Variants in VCX3B observed in about 807,000 individuals in gnomAD.
VCX3B encodes variable charge X-linked 3B.
For synonymous variants in VCX3B, 15 were observed against 85.8 expected, an observed-to-expected ratio of 0.17 and a Z score of 4.56; for missense variants, 43 against 195.3, an observed-to-expected ratio of 0.22 and a Z score of 4.65.
rs6640131 is a variant in VCX3B at position 8,465,008 on chromosome X, C to T, written c.-147+18C>T. ...GATTTTAGGTAGGTCATACAGAAAC[C>T]GGGTAATGATGGCAGGTGTGGAGGA... is the stretch of plus-strand genomic sequence containing the variant. On this transcript the variant is annotated intron_variant, in intron 1 of 2. Coordinates refer to ENST00000381032, the MANE Select transcript of VCX3B (RefSeq NM_001001888.4). 27,305 of 115,486 alleles carry T rather than the reference C, an allele frequency of 0.24. 4,097 individuals carry two copies. The highest frequency in any genetic ancestry group is 0.61 in the African/African-American group (9,434 of 15,374). The allele number at this position is 115,486 out of a possible 1,213,427, so 9.5% of individuals were successfully genotyped here.
rs1928510537 is a variant in VCX3B, at chrX:8,466,201, G to T, written c.559G>T (p.Glu187Ter). 1.5e-6 allele frequency: 1 copy of T among 650,639 alleles called. No homozygotes were observed. Among genetic ancestry groups the T allele is most frequent in the Non-Finnish European group, 2.1e-6 (1 of 468,050 alleles). 53.6% of individuals were successfully genotyped at this position (650,639 alleles called of 1,213,427 possible). Residue 187 changes from glutamate (E) to a stop codon, truncating the protein, a stop_gained, in exon 3 of 3, where the codon GAG (glutamate) becomes TAG (stop). Coordinates refer to ENST00000381032, the MANE Select transcript of VCX3B (RefSeq NM_001001888.4). LOFTEE classifies it low-confidence loss of function (END_TRUNC). The part of the protein sequence containing the change: ...ESQVEEPLSQ[E>*]SEVEEPLSQE... ...CCAGGTGGAGGAACCACTGAGTCAG[G>T]AGAGCGAGGTGGAAGAACCACTGAG...
chrX:8,466,502 G>T lies in VCX3B; in HGVS notation c.*119G>T. ...CTGATGATAATAAAATGAATGTGTT[G>T]CAAATTGATCTGAGTGACTCTGTGT... is the stretch of plus-strand genomic sequence containing the variant. On this transcript the variant is annotated 3_prime_UTR_variant, in exon 3 of 3. Transcript: ENST00000381032. 2 of 742,529 alleles carry T rather than the reference G, an allele frequency of 2.7e-6. 1 individual carries two copies. Among genetic ancestry groups the T allele is most frequent in the East Asian group, 2.3e-4 (2 of 8,769 alleles). The allele number at this position is 742,529 out of a possible 1,213,427, so 61.2% of individuals were successfully genotyped here.
chrX:8,465,130 A>G (rs1212803241), intron 1 of VCX3B, 140 bp downstream of exon 1: 1 of 342,023 alleles, frequency 2.9e-6, no homozygotes, highest in Non-Finnish European at 4.9e-6. Context: ...TGGGGAGTTT[A>G]GGAGGGGTGA....
Position 8,465,303 on chromosome X carries a change from AG to A in VCX3B, c.-145del. 1.8e-6 allele frequency: 1 copy of A among 558,350 alleles called. No homozygotes were observed. Among genetic ancestry groups the A allele is most frequent in the East Asian group, 4.5e-5 (1 of 22,402 alleles). 46.0% of individuals were successfully genotyped at this position (558,350 alleles called of 1,213,427 possible). On this transcript the variant is annotated splice_acceptor_variant, in intron 1 of 2. Coordinates refer to ENST00000381032, the MANE Select transcript of VCX3B (RefSeq NM_001001888.4). LOFTEE classifies it low-confidence loss of function (5UTR_SPLICE). ...ACGTATAAGGCCTTCCTTCCCGCCC[AG>A]GGCTACCATTGGCTGGGTAGTGGAG... is the stretch of plus-strand genomic sequence containing the variant.
At chrX:8,465,244 G>A (rs756751860) in intron 1 of VCX3B, 61 bp from the exon 2 acceptor site, 3 of 223,578 alleles carry the variant, frequency 1.3e-5, no homozygotes. Flanking sequence ...CCCCGCCCCC[G>A]ACTTCATCCG....
Position 8,466,151 on chromosome X carries a change from T to G in VCX3B, c.509T>G (p.Val170Gly). The change falls in exon 3 of 3, where the codon GTG becomes GGG. Residue 170 changes from valine to glycine, a missense_variant. Physicochemically the swap from Val to Gly is moderately radical, Grantham distance 109. Coordinates refer to ENST00000381032, the MANE Select transcript of VCX3B (RefSeq NM_001001888.4). ...GAACCACTGAGTCAGGAGAGCGAGG[T>G]GGAAGAACCACTGAGTCAGGAGAGC... is the stretch of plus-strand genomic sequence containing the variant. ...VEEPLSQESE[V>G]EEPLSQESQV... is the part of the protein sequence containing the mutation. 1 of 861,409 alleles carries G rather than the reference T, an allele frequency of 1.2e-6. No homozygotes were observed. The highest frequency in any genetic ancestry group is 1.5e-6 in the Non-Finnish European group (1 of 688,464). 71.0% of individuals were successfully genotyped at this position (861,409 alleles called of 1,213,427 possible).
chrX:8,466,039 C>T lies in VCX3B; in HGVS notation c.397C>T (p.Pro133Ser). The stretch of plus-strand genomic sequence containing the variant: ...GAGTCAGGAGAGCCAGGTGGAGGAA[C>T]CACTGAGTCAGGAGAGCGAGGTGGA... ...PLSQESQVEE[P>S]LSQESEVEEP... Residue 133 changes from proline (P) to serine (S), a missense_variant, in exon 3 of 3, where the codon CCA becomes TCA. Pro to Ser is a moderately conservative substitution (Grantham distance 74, BLOSUM62 -1). Transcript: ENST00000381032. The T allele has an allele frequency of 2.6e-6, 1 of 391,905 alleles. No individual in the cohort carries two copies. Among genetic ancestry groups the T allele is most frequent in the Non-Finnish European group, 4.2e-6 (1 of 235,774 alleles). The allele number at this position is 391,905 out of a possible 1,213,427, so 32.3% of individuals were successfully genotyped here. A position where few individuals can be genotyped will look rare whatever the true frequency, so the allele number is the denominator to read the frequency against.
chrX:8,466,105 A>ACTGTGTGGATGGCCAGCTTTTCCCCT lies in VCX3B; in HGVS notation c.463_464insCTGTGTGGATGGCCAGCTTTTCCCCT (p.Ser155ThrfsTer19). 1 of 873,513 alleles carries ACTGTGTGGATGGCCAGCTTTTCCCCT rather than the reference A, an allele frequency of 1.1e-6. No individual in the cohort carries two copies. The highest frequency in any genetic ancestry group is 1.4e-6 in the Non-Finnish European group (1 of 695,656). 72.0% of individuals were successfully genotyped at this position (873,513 alleles called of 1,213,427 possible). A position where few individuals can be genotyped will look rare whatever the true frequency, so the allele number is the denominator to read the frequency against. ...GGAGAGCCAGGTGGAGGAACCACTG[A>ACTGTGTGGATGGCCAGCTTTTCCCCT]GTCAGGAGAGCGAGGTGGAGGAACC... is the stretch of plus-strand genomic sequence containing the variant. On this transcript the variant is annotated frameshift_variant, in exon 3 of 3. Transcript: ENST00000381032. LOFTEE classifies it low-confidence loss of function (END_TRUNC).
Position 8,466,325 on chromosome X carries a change from G to A in VCX3B, c.683G>A (p.Ser228Asn). The A allele has an allele frequency of 9.4e-7, 1 of 1,067,007 alleles. No individual in the cohort carries two copies. Among genetic ancestry groups the A allele is most frequent in the South Asian group, 1.9e-5 (1 of 51,694 alleles). The allele number at this position is 1,067,007 out of a possible 1,213,427, so 87.9% of individuals were successfully genotyped here. ...SQVEEPLSQE[S>N]EMEEPLSQES... ...GTGGAGGAACCACTGAGTCAGGAGA[G>A]CGAGATGGAAGAACCACTGAGTCAG... The change falls in exon 3 of 3, where the codon AGC becomes AAC. Residue 228 changes from serine (S) to asparagine (N), a missense_variant. Coordinates refer to ENST00000381032, the MANE Select transcript of VCX3B (RefSeq NM_001001888.4).
At chrX:8,465,145 T>A (rs1381909263) in intron 1 of VCX3B, among the ~76,000 whole-genome samples, 155 bp downstream of exon 1, 1 of 96,898 alleles carries the variant, frequency 1.0e-5, no homozygotes, top group Non-Finnish European at 2.0e-5. Flanking sequence ...GGGTGACATG[T>A]CAGTTTGGGA....
Position 8,466,373 on chromosome X carries a change from C to G in VCX3B, c.731C>G (p.Pro244Arg). Residue 244 changes from proline to arginine, a missense_variant, in exon 3 of 3, where the codon CCG becomes CGG. Coordinates refer to ENST00000381032, the MANE Select transcript of VCX3B (RefSeq NM_001001888.4). ...LSQESEMEEL[P>R]SV ...CAGGAGAGCGAGATGGAAGAACTAC[C>G]GAGTGTGTAGACGGCCAAGTACTCC... The G allele has an allele frequency of 9.1e-7, 1 of 1,096,485 alleles. No individual in the cohort carries two copies. Among genetic ancestry groups the G allele is most frequent in the Non-Finnish European group, 1.2e-6 (1 of 837,688 alleles). The allele number at this position is 1,096,485 out of a possible 1,213,427, so 90.4% of individuals were successfully genotyped here. A position where few individuals can be genotyped will look rare whatever the true frequency, so the allele number is the denominator to read the frequency against.
At position 8,466,393 on chromosome X, in the gene VCX3B, T is replaced by G; in HGVS notation, c.*10T>G. 1 of 1,077,360 alleles carries G rather than the reference T, an allele frequency of 9.3e-7. No homozygotes were observed. Among genetic ancestry groups the G allele is most frequent in the Admixed American group, 2.6e-5 (1 of 37,922 alleles). 88.8% of individuals were successfully genotyped at this position (1,077,360 alleles called of 1,213,427 possible). On this transcript the variant is annotated 3_prime_UTR_variant, in exon 3 of 3. Transcript: ENST00000381032. ...ACTACCGAGTGTGTAGACGGCCAAG[T>G]ACTCCCCTATCTCCGAGAGCAGCGA...
At position 8,466,481 on chromosome X, in the gene VCX3B, T is replaced by A. The variant is rs112774168; in HGVS notation, c.*98T>A. ...ACCAGCGGGGTGCTTGCCATTCTGATGATAATAAAATGAATGTGTTGCAAA... is the reference window on the plus strand; with the variant it reads ...ACCAGCGGGGTGCTTGCCATTCTGAAGATAATAAAATGAATGTGTTGCAAA... On this transcript the variant is annotated 3_prime_UTR_variant, in exon 3 of 3. Coordinates refer to ENST00000381032, the MANE Select transcript of VCX3B (RefSeq NM_001001888.4). 0.042 allele frequency: 31,135 copies of A among 744,290 alleles called. 4,903 individuals carry two copies. Among genetic ancestry groups the A allele is most frequent in the East Asian group, 0.35 (3,463 of 9,936 alleles). The allele number at this position is 744,290 out of a possible 1,213,427, so 61.3% of individuals were successfully genotyped here. A position where few individuals can be genotyped will look rare whatever the true frequency, so the allele number is the denominator to read the frequency against.
chrX:8,465,215 C>A, intron 1 of VCX3B, 90 bp from the exon 2 acceptor site: 1 of 356,732 alleles, frequency 2.8e-6, no homozygotes, highest in Non-Finnish European at 4.6e-6. Context: ...CCCTGCCTTC[C>A]TCATTAGATG....
In VCX3B at chrX:8,464,906, T is replaced by C. The variant is rs1928451431; in HGVS notation, c.-231T>C. The C allele has an allele frequency of 1.5e-5, 2 of 134,416 alleles. No homozygotes were observed. The highest frequency in any genetic ancestry group is 3.1e-3 in the Middle Eastern group (1 of 318). 11.1% of individuals were successfully genotyped at this position (134,416 alleles called of 1,213,427 possible). ...CAAGAAGTGAATGATCCTCAAGGTG[T>C]AGCAGAGGAATTTGTAGGAGAGAGG... On this transcript the variant is annotated 5_prime_UTR_variant, in exon 1 of 3. An upstream open reading frame in the 5' UTR loses its in-frame stop. Transcript: ENST00000381032.
rs1928515930 is a variant in VCX3B at position 8,466,282 on chromosome X, C to G, written c.640C>G (p.Leu214Val). The change falls in exon 3 of 3, where the codon CTG becomes GTG. Residue 214 changes from leucine (L) to valine (V), a missense_variant. Coordinates refer to ENST00000381032, the MANE Select transcript of VCX3B (RefSeq NM_001001888.4). Reference protein sequence around the residue: ...LSQESEMEEPLSQESQVEEPL... With the variant: ...LSQESEMEEPVSQESQVEEPL... ...TCAGGAGAGCGAGATGGAAGAACCA[C>G]TGAGTCAGGAGAGCCAGGTGGAGGA... 9.0e-7 allele frequency: 1 copy of G among 1,111,764 alleles called. No individual in the cohort carries two copies. Among genetic ancestry groups the G allele is most frequent in the Non-Finnish European group, 1.2e-6 (1 of 840,849 alleles). The allele number at this position is 1,111,764 out of a possible 1,213,427, so 91.6% of individuals were successfully genotyped here.
Position 8,466,109 on chromosome X carries a change from A to C in VCX3B, c.467A>C (p.Gln156Pro). The change falls in exon 3 of 3, where the codon CAG becomes CCG. Residue 156 changes from glutamine (Q) to proline (P), a missense_variant. Coordinates refer to ENST00000381032, the MANE Select transcript of VCX3B (RefSeq NM_001001888.4). ...AGCCAGGTGGAGGAACCACTGAGTC[A>C]GGAGAGCGAGGTGGAGGAACCACTG... ...QESQVEEPLS[Q>P]ESEVEEPLSQ... 1.1e-6 allele frequency: 1 copy of C among 879,401 alleles called. No homozygotes were observed. Among genetic ancestry groups the C allele is most frequent in the Non-Finnish European group, 1.4e-6 (1 of 698,977 alleles). 72.5% of individuals were successfully genotyped at this position (879,401 alleles called of 1,213,427 possible).
chrX:8,465,576 C>T (rs1381841792), intron 2 of VCX3B, 24 bp downstream of exon 2: 1 of 1,136,390 alleles, frequency 8.8e-7, no homozygotes, highest in African/African-American at 2.0e-5. Context: ...CCAAGCTCCT[C>T]CTCGTCTTCC....
chrX:8,466,427 A>G lies in VCX3B; in HGVS notation c.*44A>G. The stretch of plus-strand genomic sequence containing the variant: ...ATCTCCGAGAGCAGCGACTAAGTTC[A>G]GGCCCAGCCGCCAGACCTCAGAGAT... On this transcript the variant is annotated 3_prime_UTR_variant, in exon 3 of 3. Coordinates refer to ENST00000381032, the MANE Select transcript of VCX3B (RefSeq NM_001001888.4). The G allele has an allele frequency of 9.8e-6, 10 of 1,024,232 alleles. No homozygotes were observed. The highest frequency in any genetic ancestry group is 1.1e-5 in the Non-Finnish European group (9 of 790,385). 84.4% of individuals were successfully genotyped at this position (1,024,232 alleles called of 1,213,427 possible).
Sources: allele counts gnomAD v4.1 joint callset (sites outside exome capture counted in the v4.1 genomes callset), GRCh38; gene constraint gnomAD v4.1.1; transcripts MANE v1.5; gene names NCBI Gene and HGNC (gene_info 2026-07-23, HGNC 2026-07-21).